The following EIF3CL variants were observed in gnomAD, a reference collection of about 807,000 sequenced individuals.
The protein encoded by EIF3CL is eukaryotic translation initiation factor 3 subunit C like, also known as eukaryotic translation initiation factor 3 subunit C-like protein.
For synonymous variants in EIF3CL, 2 were observed against 19.6 expected, an observed-to-expected ratio of 0.10 and a Z score of 2.37; for missense variants, 5 against 56.1, an observed-to-expected ratio of 0.09 and a Z score of 2.91.
the EIF3CL span, among the ~76,000 whole-genome samples, chr16:28,416,528 C>T: frequency 4.4e-5 from 1 of 22,940 alleles, no homozygotes; most frequent in Non-Finnish European, 8.6e-5. Context: ...AGCGCCTCTG[C>T]CCGGCCGAGA....
chr16:28,415,836 C>A, the EIF3CL span, among the ~76,000 whole-genome samples: 1 of 110,936 alleles, frequency 9.0e-6, no homozygotes, highest in South Asian at 2.5e-4. Context: ...CTCCCTCTCC[C>A]TCTCCCTCTC....
chr16:28,416,907 G>A, the EIF3CL span, among the ~76,000 whole-genome samples: 3 of 88,608 alleles, frequency 3.4e-5, no homozygotes, highest in Non-Finnish European at 4.8e-5. Flanking sequence ...CCCCCCGCCC[G>A]GCCAGCCGCC....
chr16:28,396,681 A>G (rs1417686923), intron 8 of EIF3CL, among the ~76,000 whole-genome samples: 1 of 83,166 alleles, frequency 1.2e-5, no homozygotes, highest in African/African-American at 3.2e-5. Context: ...AAAAAAAAAA[A>G]AAAAAAAAAC....
intron 2 of EIF3CL, among the ~76,000 whole-genome samples, chr16:28,403,289 T>C (rs1397308148): frequency 3.1e-5 from 2 of 65,572 alleles, no homozygotes; most frequent in Non-Finnish European, 6.5e-5. Context: ...CAGATCTGGC[T>C]TGGGAAACCT....
chr16:28,422,705 C>T, the EIF3CL span, among the ~76,000 whole-genome samples: 9 of 143,960 alleles, frequency 6.3e-5, no homozygotes, highest in South Asian at 8.6e-4. Flanking sequence ...GGTGTGGTGG[C>T]GGGCACCTGT....
At chr16:28,414,909 C>T in the EIF3CL span, 3 of 516,878 alleles carry the variant, frequency 5.8e-6, 1 homozygote, top group East Asian at 1.7e-4. Flanking sequence ...CGACGCCGGC[C>T]TCCGGGTCCC....
chr16:28,422,566 C>T, the EIF3CL span, among the ~76,000 whole-genome samples: 1 of 140,470 alleles, frequency 7.1e-6, no homozygotes, highest in Non-Finnish European at 1.6e-5. Context: ...GGTGCAGTGG[C>T]TCAAGCCTGT....
chr16:28,417,850 T>G, the EIF3CL span, among the ~76,000 whole-genome samples: 1 of 65,896 alleles, frequency 1.5e-5, no homozygotes, highest in Non-Finnish European at 3.5e-5. Context: ...AAAACTCAAA[T>G]AAAGTTTGCA....
At chr16:28,418,970 T>C in the EIF3CL span, among the ~76,000 whole-genome samples, 1 of 148,086 alleles carries the variant, frequency 6.8e-6, no homozygotes, top group Admixed American at 6.8e-5. Flanking sequence ...TCTGCGACTC[T>C]CCAGGGATGT....
At chr16:28,416,885 G>A in the EIF3CL span, among the ~76,000 whole-genome samples, 1 of 89,032 alleles carries the variant, frequency 1.1e-5, no homozygotes, top group Non-Finnish European at 2.4e-5. Context: ...GAGGGAGGTG[G>A]GGGGGGTCAG....
At chr16:28,414,858 A>G in the EIF3CL span, 4,073 of 512,604 alleles carry the variant, frequency 7.9e-3, 430 homozygotes, top group Admixed American at 0.017. Context: ...ATGCAGCAAG[A>G]TGGACCCCAC....
At chr16:28,406,245 A>ATATG (rs1025440615), upstream of EIF3CL, among the ~76,000 whole-genome samples, 1 of 18,700 alleles carries the variant, frequency 5.3e-5, no homozygotes, top group African/African-American at 2.9e-4. Context: ...GTATATATAT[A>ATATG]TGTGTGTGTG....
chr16:28,387,428 T>TC (rs1367923274), intron 15 of EIF3CL, among the ~76,000 whole-genome samples: 1 of 148,136 alleles, frequency 6.8e-6, no homozygotes, highest in Non-Finnish European at 1.5e-5. Flanking sequence ...AGAGCGAGAC[T>TC]CCCTCTCAAA....
At chr16:28,391,916 C>CTTGTGGGGAA in intron 9 of EIF3CL, 61 bp from the exon 10 acceptor site, 1 of 1,136,568 alleles carries the variant, frequency 8.8e-7, no homozygotes, top group Non-Finnish European at 1.3e-6. Flanking sequence ...GCCTTTTCCC[C>CTTGTGGGGAA]ACAAGGGGAC....
the EIF3CL span, among the ~76,000 whole-genome samples, chr16:28,423,814 ATAT>A: frequency 9.7e-6 from 1 of 102,580 alleles, no homozygotes; most frequent in African/African-American, 3.4e-5. Flanking sequence ...TATAATATAT[ATAT>A]TATATATATA....
chr16:28,403,055 T>G (rs1341296709), intron 2 of EIF3CL, among the ~76,000 whole-genome samples: 2 of 141,260 alleles, frequency 1.4e-5, no homozygotes, highest in Non-Finnish European at 3.1e-5. Context: ...AAATGGCGGA[T>G]GGGTATTTAC....
intron 15 of EIF3CL, among the ~76,000 whole-genome samples, chr16:28,386,143 G>C (rs971026654): frequency 9.1e-5 from 2 of 21,880 alleles, no homozygotes; most frequent in African/African-American, 2.0e-4. Flanking sequence ...CTGGGAAGCA[G>C]AGGTTGTAGT....
chr16:28,415,840 C>A, the EIF3CL span, among the ~76,000 whole-genome samples: 10 of 111,888 alleles, frequency 8.9e-5, no homozygotes. Context: ...CTCTCCCTCT[C>A]CCTCTCCCTC....
chr16:28,386,251 C>CT lies in EIF3CL; in HGVS notation c.1821+1806dup, dbSNP rs1257163088. ...AAAAAAAATTCTGACACAGGACTAGCTATCCAGGATAGATAAGGCACTCCT... is the reference window on the plus strand; with the variant it reads ...AAAAAAAATTCTGACACAGGACTAGCTTATCCAGGATAGATAAGGCACTCCT... On this transcript the variant is annotated intron_variant, in intron 15 of 20. Coordinates refer to ENST00000380876, the MANE Select transcript of EIF3CL (RefSeq NM_001317857.2). 1.7e-3 allele frequency among the ~76,000 whole-genome samples: 120 copies of CT among 69,416 alleles called. 2 individuals are homozygous for CT. The highest frequency in any genetic ancestry group is 5.8e-3 in the African/African-American group (116 of 19,864). The allele number at this position is 69,416 out of a possible 152,430, so 45.5% of individuals were successfully genotyped here. A position where few individuals can be genotyped will look rare whatever the true frequency, so the allele number is the denominator to read the frequency against.
Sources: allele counts gnomAD v4.1 joint callset (sites outside exome capture counted in the v4.1 genomes callset), GRCh38; gene constraint gnomAD v4.1.1; transcripts MANE v1.5; gene names NCBI Gene and HGNC (gene_info 2026-07-23, HGNC 2026-07-21).